The following RPS6KA2 variants were observed in gnomAD, a reference collection of about 807,000 sequenced individuals.
RPS6KA2 encodes the protein ribosomal protein S6 kinase alpha-2.
In RPS6KA2, 42 loss-of-function variants were observed where a neutral mutation model predicts 91.8. The ratio of observed to expected loss-of-function variants is 0.46; its 90% CI spans 0.36 to 0.59. RPS6KA2 has a LOEUF of 0.59. RPS6KA2 is among the 20% of genes least tolerant of loss of function. The probability of loss-of-function intolerance (pLI) is 0.00; values close to 1 mark genes in which losing one functional copy is unlikely to be tolerated. For missense variants in RPS6KA2, 798 were observed against 978.5 expected, an observed-to-expected ratio of 0.82 and a Z score of 2.46; for synonymous variants, 414 against 393.6, an observed-to-expected ratio of 1.05 and a Z score of -0.61.
chr6:166,805,963 A>G (rs1458706708), intron 2 of RPS6KA2, among the ~76,000 whole-genome samples: 1 of 152,218 alleles, frequency 6.6e-6, no homozygotes, highest in Non-Finnish European at 1.5e-5. Flanking sequence ...TGAAAAGTAC[A>G]ATACGTTAAA....
At chr6:166,858,135 C>T (rs746069660) in intron 2 of RPS6KA2, 1 of 954,410 alleles carries the variant, frequency 1.0e-6, no homozygotes, top group Non-Finnish European at 1.7e-6. Context: ...CCATTTCCCC[C>T]TTCACCACCT....
intron 2 of RPS6KA2, among the ~76,000 whole-genome samples, chr6:166,714,655 C>G (rs1248135338): frequency 2.0e-5 from 3 of 152,156 alleles, no homozygotes; most frequent in Admixed American, 6.5e-5. Flanking sequence ...AGCCAAGGAG[C>G]ACCCGAACCG....
chr6:166,595,987 C>T (rs1344431299), intron 1 of RPS6KA2, among the ~76,000 whole-genome samples: 1 of 152,156 alleles, frequency 6.6e-6, no homozygotes, highest in African/African-American at 2.4e-5. Context: ...ATAAGATACA[C>T]AAGGTTTGGA....
intron 14 of RPS6KA2, among the ~76,000 whole-genome samples, chr6:166,447,721 T>C (rs1039479715): frequency 1.3e-5 from 2 of 152,164 alleles, no homozygotes; most frequent in Non-Finnish European, 2.9e-5. Flanking sequence ...AGAATCACAG[T>C]TGATGAAAAT....
intron 2 of RPS6KA2, among the ~76,000 whole-genome samples, chr6:166,824,375 C>T (rs764417379): frequency 1.3e-5 from 2 of 152,206 alleles, no homozygotes; most frequent in African/African-American, 2.4e-5. Context: ...CCCTGGTGCC[C>T]GGCACTGCCT....
At position 166,419,828 on chromosome 6, in the gene RPS6KA2, C is replaced by G. The variant is rs1230080923; in HGVS notation, c.1820+54G>C. On this transcript the variant is annotated intron_variant, in intron 18 of 20. Transcript: ENST00000265678. The surrounding 1 kb of genome is among the most constrained non-coding windows in gnomAD (Gnocchi z 5.6). ...CCCTGGTCCCCTGACAGATCAGCCA[C>G]TGAGGCTGCTGCCCTGTGTCTCCTC... 1.3e-6 allele frequency: 2 copies of G among 1,528,918 alleles called. No homozygotes were observed. The highest frequency in any genetic ancestry group is 9.1e-7 in the Non-Finnish European group (1 of 1,103,570). The allele number at this position is 1,528,918 out of a possible 1,614,324, so 94.7% of individuals were successfully genotyped here.
intron 8 of RPS6KA2, among the ~76,000 whole-genome samples, chr6:166,497,459 GGCCC>G (rs1781830583): frequency 1.3e-5 from 2 of 152,348 alleles, no homozygotes; most frequent in South Asian, 2.1e-4. Context: ...TTAGGCTGTG[GGCCC>G]ATCTCCGGAG....
At chr6:166,858,252 T>C (rs1562474515) in exon 2 of RPS6KA2, 1 of 1,537,600 alleles carries the variant, frequency 6.5e-7, no homozygotes. Flanking sequence ...GAGATCCTCC[T>C]CTGTGGTCTG....
chr6:166,608,913 T>G (rs185632517), intron 1 of RPS6KA2, among the ~76,000 whole-genome samples: 37 of 152,278 alleles, frequency 2.4e-4, no homozygotes, highest in Non-Finnish European at 1.5e-5. Flanking sequence ...AGAATATTTA[T>G]GAAAGAAAAC....
chr6:166,462,520 C>T (rs1473552028), intron 11 of RPS6KA2, among the ~76,000 whole-genome samples: 3 of 152,220 alleles, frequency 2.0e-5, no homozygotes, highest in South Asian at 4.1e-4. Flanking sequence ...TCCTTTAATA[C>T]TAAGTATCTG....
At chr6:166,667,239 C>A (rs1250725370) in intron 2 of RPS6KA2, among the ~76,000 whole-genome samples, 1 of 152,118 alleles carries the variant, frequency 6.6e-6, no homozygotes, top group African/African-American at 2.4e-5. Context: ...ATGCTTGAGA[C>A]GGTAAATTTA....
chr6:166,748,071 C>CAGG (rs1467142848), intron 2 of RPS6KA2, among the ~76,000 whole-genome samples: 2 of 152,168 alleles, frequency 1.3e-5, no homozygotes, highest in Non-Finnish European at 2.9e-5. Context: ...AAATGCTGGA[C>CAGG]AGGGGGTGGT....
intron 3 of RPS6KA2, among the ~76,000 whole-genome samples, chr6:166,522,597 C>T (rs1000348524): frequency 6.6e-5 from 10 of 152,194 alleles, no homozygotes; most frequent in African/African-American, 2.2e-4. Flanking sequence ...AGCTCGGTCT[C>T]CCCCACTGCG....
intron 2 of RPS6KA2, among the ~76,000 whole-genome samples, chr6:166,817,476 T>C (rs892310587): frequency 6.6e-6 from 1 of 152,162 alleles, no homozygotes; most frequent in Admixed American, 6.5e-5. Context: ...ATGTAAATTT[T>C]AAAACCTGTC....
At chr6:166,774,348 A>T (rs376312898) in intron 2 of RPS6KA2, among the ~76,000 whole-genome samples, 1 of 152,212 alleles carries the variant, frequency 6.6e-6, no homozygotes. Flanking sequence ...TCAGCTATGA[A>T]TTTCTCAGTG....
At position 166,748,553 on chromosome 6, in the gene RPS6KA2, C is replaced by G. The variant is rs1272884528; in HGVS notation, c.123+109647G>C. ...TCCTCGGGCCCCCCATCCCCTTGGG[C>G]CCCCACCTCCTCAGGCCCCCACCTC... On this transcript the variant is annotated intron_variant, in intron 2 of 21. Coordinates refer to the RPS6KA2 transcript ENST00000503859. Among the ~76,000 whole-genome samples the G allele has an allele frequency of 8.6e-5, 8 of 92,968 alleles. No homozygotes were observed. The East Asian group carries it at 3.5e-3, about 40-fold the overall frequency. 61.0% of individuals were successfully genotyped at this position (92,968 alleles called of 152,430 possible).
At chr6:166,440,571 C>T (rs909708565) in intron 14 of RPS6KA2, among the ~76,000 whole-genome samples, 2 of 152,186 alleles carry the variant, frequency 1.3e-5, no homozygotes, top group African/African-American at 4.8e-5. Context: ...TCAGAATTGT[C>T]TATTTTGGAA....
intron 2 of RPS6KA2, among the ~76,000 whole-genome samples, chr6:166,744,918 CAT>C (rs1357042214): frequency 6.6e-6 from 1 of 152,176 alleles, no homozygotes; most frequent in Non-Finnish European, 1.5e-5. Flanking sequence ...TGCCTTTCCT[CAT>C]GGGTGCACTG....
Position 166,686,158 on chromosome 6 carries a change from C to T in RPS6KA2, c.124-147374G>A, listed in dbSNP as rs75475226. On this transcript the variant is annotated intron_variant, in intron 2 of 21. Transcript: ENST00000503859. ...GGGAAGAGATCAGGACAGCATTGAC[C>T]TAAGGGCCATCCTATGCTCATGTAA... Among the ~76,000 whole-genome samples the T allele has an allele frequency of 2.8e-3, 419 of 152,204 alleles. 9 individuals carry two copies. The East Asian group carries it at 0.052, about 19-fold the overall frequency.
Sources: allele counts gnomAD v4.1 joint callset (sites outside exome capture counted in the v4.1 genomes callset), GRCh38; gene constraint gnomAD v4.1.1; non-coding constraint Gnocchi (gnomAD v3.1); transcripts MANE v1.5; gene names NCBI Gene and HGNC (gene_info 2026-07-23, HGNC 2026-07-21).